The following RB1 variants were observed in gnomAD, a reference collection of about 807,000 sequenced individuals.
The protein encoded by RB1 is RB transcriptional corepressor 1.
In RB1, 18 loss-of-function variants were observed where a neutral mutation model predicts 135.4. That is an observed-to-expected ratio of 0.13 (90% CI 0.09 to 0.20). The LOEUF is 0.20. Ranked by LOEUF, RB1 falls within the 10% of genes least tolerant of loss-of-function variation. The pLI, the probability that RB1 is intolerant of heterozygous loss-of-function variation, is 1.00. For missense variants in RB1, 868 were observed against 1,110.0 expected, an observed-to-expected ratio of 0.78 and a Z score of 3.10; for synonymous variants, 365 against 373.2, an observed-to-expected ratio of 0.98 and a Z score of 0.25.
At chr13:48,369,479 A>G (rs138683394) in intron 11 of RB1, among the ~76,000 whole-genome samples, 15 of 152,312 alleles carry the variant, frequency 9.8e-5, no homozygotes, top group African/African-American at 3.6e-4. Flanking sequence ...AATGTAAATC[A>G]GTTACATTCA....
intron 2 of RB1, among the ~76,000 whole-genome samples, chr13:48,335,615 A>G (rs1370754398): frequency 1.3e-5 from 2 of 150,212 alleles, no homozygotes; most frequent in Non-Finnish European, 3.0e-5. Context: ...TTTTTTTTGC[A>G]AAGTGCTTGT....
intron 6 of RB1, among the ~76,000 whole-genome samples, chr13:48,353,288 A>G (rs2138099356): frequency 6.6e-6 from 1 of 152,296 alleles, no homozygotes; most frequent in African/African-American, 2.4e-5. Flanking sequence ...GCAGAAACTA[A>G]AAGTATCATT....
At chr13:48,475,625 G>A (rs1286365558) in intron 24 of RB1, among the ~76,000 whole-genome samples, 1 of 152,146 alleles carries the variant, frequency 6.6e-6, no homozygotes, top group African/African-American at 2.4e-5. Flanking sequence ...ATTACTTTTG[G>A]CATATTATTT....
At chr13:48,328,558 GC>G (rs1952308279) in intron 2 of RB1, 1 of 703,004 alleles carries the variant, frequency 1.4e-6, no homozygotes, top group East Asian at 2.6e-5. Context: ...CTTCCCATCA[GC>G]CATTTCCCCC....
chr13:48,363,665 A>G (rs4151488), intron 8 of RB1, among the ~76,000 whole-genome samples: 184 of 152,326 alleles, frequency 1.2e-3, no homozygotes, highest in Non-Finnish European at 2.4e-3. Context: ...TTGGCCTTCT[A>G]TAATTACTCT....
At chr13:48,446,427 T>G (rs1405211859) in intron 17 of RB1, among the ~76,000 whole-genome samples, 1 of 152,212 alleles carries the variant, frequency 6.6e-6, no homozygotes, top group East Asian at 1.9e-4. Context: ...TTGAATAAGA[T>G]AGACAAAGCC....
intron 4 of RB1, among the ~76,000 whole-genome samples, chr13:48,346,368 ATATGTGTG>A (rs1433159743): frequency 1.4e-4 from 15 of 108,594 alleles, no homozygotes; most frequent in East Asian, 1.3e-3. Flanking sequence ...AATATTATAT[ATATGTGTG>A]TGTGTGTGTG....
intron 2 of RB1, among the ~76,000 whole-genome samples, chr13:48,335,394 G>A (rs1593430126): frequency 6.6e-6 from 1 of 151,870 alleles, no homozygotes; most frequent in Non-Finnish European, 1.5e-5. Context: ...TACATATCAA[G>A]TGTACACATT....
At position 48,368,617 on chromosome 13, in the gene RB1, C is replaced by T. The variant is rs1241306398; in HGVS notation, c.1127+13C>T. ...ACACTCCAGTTAGGTATGAATTTTC[C>T]TACTTTTAATTATATTATAATTTTG... On this transcript the variant is annotated intron_variant, in intron 11 of 26. Coordinates refer to ENST00000267163, the MANE Select transcript of RB1 (RefSeq NM_000321.3). 2 of 1,610,456 alleles carry T rather than the reference C, an allele frequency of 1.2e-6. No individual in the cohort carries two copies. The highest frequency in any genetic ancestry group is 8.5e-7 in the Non-Finnish European group (1 of 1,178,476).
chr13:48,450,096 T>C (rs2407090), intron 17 of RB1, among the ~76,000 whole-genome samples: 2 of 105,358 alleles, frequency 1.9e-5, no homozygotes, highest in South Asian at 5.7e-4. Context: ...ATATATATAT[T>C]TTTTTTTTTT....
At chr13:48,378,916 C>G (rs1406835147) in intron 13 of RB1, among the ~76,000 whole-genome samples, 1 of 152,030 alleles carries the variant, frequency 6.6e-6, no homozygotes, top group Admixed American at 6.6e-5. Flanking sequence ...GATTTTTGCT[C>G]TTAGTTTGGA....
At position 48,308,189 on chromosome 13, in the gene RB1, T is replaced by C. The variant is rs148727786; in HGVS notation, c.264+783T>C. Among the ~76,000 whole-genome samples, 856 of 151,474 alleles carry C rather than the reference T, an allele frequency of 5.7e-3. 27 individuals are homozygous for C. Among genetic ancestry groups the C allele is most frequent in the Middle Eastern group, 0.01 (3 of 294 alleles). Reference sequence around the variant, plus strand: ...TTTTATATGTACTGGGGCAATAGTATAAGAATTTTACATAGCCGGGCATGG... The same window carrying C: ...TTTTATATGTACTGGGGCAATAGTACAAGAATTTTACATAGCCGGGCATGG... On this transcript the variant is annotated intron_variant, in intron 2 of 26. Coordinates refer to ENST00000267163, the MANE Select transcript of RB1 (RefSeq NM_000321.3).
At chr13:48,350,361 T>C (rs1952536828) in intron 6 of RB1, among the ~76,000 whole-genome samples, 1 of 152,050 alleles carries the variant, frequency 6.6e-6, no homozygotes, top group Non-Finnish European at 1.5e-5. Context: ...TAGAAATTAA[T>C]AACAAGGTAT....
Position 48,480,888 on chromosome 13 carries a change from C to T in RB1, c.*817C>T, listed in dbSNP as rs1949534730. 4.4e-6 allele frequency: 1 copy of T among 227,930 alleles called. No individual in the cohort carries two copies. The highest frequency in any genetic ancestry group is 2.2e-5 in the African/African-American group (1 of 45,058). 14.1% of individuals were successfully genotyped at this position (227,930 alleles called of 1,614,324 possible). ...GAATTTATAAAGTACCCATCTAGTACTTGAAAAAGTAAAGTGTTCTGCCAG... is the reference window on the plus strand; with the variant it reads ...GAATTTATAAAGTACCCATCTAGTATTTGAAAAAGTAAAGTGTTCTGCCAG... On this transcript the variant is annotated 3_prime_UTR_variant, in exon 27 of 27. Coordinates refer to ENST00000267163, the MANE Select transcript of RB1 (RefSeq NM_000321.3).
intron 2 of RB1, among the ~76,000 whole-genome samples, chr13:48,323,364 A>T (rs1376999264): frequency 6.6e-6 from 1 of 151,206 alleles, no homozygotes; most frequent in African/African-American, 2.4e-5. Flanking sequence ...GTTAGTAGTA[A>T]TTTTTTTTTA....
intron 17 of RB1, among the ~76,000 whole-genome samples, chr13:48,405,217 AT>A (rs1461352480): frequency 6.6e-6 from 1 of 152,222 alleles, no homozygotes; most frequent in African/African-American, 2.4e-5. Flanking sequence ...TTCATAAAGA[AT>A]GCCTTCAACA....
At chr13:48,394,404 C>G (rs1413175427) in intron 17 of RB1, among the ~76,000 whole-genome samples, 4 of 152,280 alleles carry the variant, frequency 2.6e-5, no homozygotes, top group African/African-American at 9.6e-5. Flanking sequence ...CGAGTTAGAA[C>G]CATTCACTCC....
At chr13:48,373,854 A>C (rs190775376) in intron 12 of RB1, among the ~76,000 whole-genome samples, 1 of 151,972 alleles carries the variant, frequency 6.6e-6, no homozygotes, top group South Asian at 2.1e-4. Context: ...TTTTGATCTG[A>C]AATTTTCTTT....
intron 17 of RB1, chr13:48,444,964 CTT>C (rs1256686531): frequency 1.4e-5 from 2 of 146,708 alleles, no homozygotes; most frequent in African/African-American, 5.0e-5. Context: ...AAGTTAAAGA[CTT>C]AAGTAAATTG....
Sources: gnomAD v4.1 joint callset for allele counts (sites outside exome capture counted in the v4.1 genomes callset) on GRCh38, gnomAD v4.1.1 for gene constraint, MANE v1.5 for transcripts, NCBI Gene and HGNC (gene_info 2026-07-23, HGNC 2026-07-21) for gene names.